ITGA2B: variants seen among roughly 807,000 people sequenced by gnomAD.
ITGA2B encodes the protein integrin subunit alpha 2b.
In ITGA2B, 91 loss-of-function variants were observed where a neutral mutation model predicts 142.0. The ratio of observed to expected loss-of-function variants is 0.64; its 90% CI spans 0.54 to 0.76. The LOEUF (loss-of-function observed/expected upper bound fraction) is 0.76. ITGA2B is among the 30% of genes least tolerant of loss of function. The pLI, the probability that ITGA2B is intolerant of heterozygous loss-of-function variation, is 0.00. For synonymous variants in ITGA2B, 536 were observed against 567.2 expected, an observed-to-expected ratio of 0.94 and a Z score of 0.78; for missense variants, 1,231 against 1,350.8, an observed-to-expected ratio of 0.91 and a Z score of 1.39.
At chr17:44,382,431 C>T (rs1251025441) in intron 12 of ITGA2B, among the ~76,000 whole-genome samples, 2 of 152,046 alleles carry the variant, frequency 1.3e-5, no homozygotes, top group East Asian at 3.8e-4. Context: ...GCTTCTGACC[C>T]TATCTTGGCC....
chr17:44,374,700 A>G lies in ITGA2B; in HGVS notation c.2902T>C (p.Tyr968His), dbSNP rs5914. Residue 968 changes from tyrosine (Y) to histidine (H), a missense_variant, in exon 28 of 30, where the codon TAT becomes CAT. By Grantham distance (83) the Tyr-to-His change is moderately conservative. Transcript: ENST00000262407. ...HAWFNVSSLPYAVPPLSLPRG... is the reference protein window; with the variant it reads ...HAWFNVSSLPHAVPPLSLPRG... ...GGCAGGCTGAGCGGGGGCACCGCATAGGGGAGGGAGGACACGTTGAACCAT... is the reference window on the plus strand; with the variant it reads ...GGCAGGCTGAGCGGGGGCACCGCATGGGGGAGGGAGGACACGTTGAACCAT... The G allele has an allele frequency of 3.3e-5, 53 of 1,613,934 alleles. No individual in the cohort carries two copies. Among genetic ancestry groups the G allele is most frequent in the Non-Finnish European group, 4.4e-5 (52 of 1,180,008 alleles).
At position 44,385,609 on chromosome 17, in the gene ITGA2B, G is replaced by C. The variant is rs1203030848; in HGVS notation, c.516C>G (p.Ala172=). ...FLAQPESGRR[A]EYSPCRGNTL... is the part of the protein sequence containing the mutation. ...TGTTCCCGCGACAGGGGGAGTACTCGGCGCGGCGGCCGCTCTCTGGCTGAG... is the reference window on the plus strand; with the variant it reads ...TGTTCCCGCGACAGGGGGAGTACTCCGCGCGGCGGCCGCTCTCTGGCTGAG... Residue 172 remains alanine, a synonymous_variant, in exon 4 of 30, where the codon GCC becomes GCG. Transcript: ENST00000262407. 4 of 1,612,042 alleles carry C rather than the reference G, an allele frequency of 2.5e-6. No individual in the cohort carries two copies. The highest frequency in any genetic ancestry group is 1.3e-5 in the African/African-American group (1 of 75,056).
At chr17:44,376,265 G>C in intron 23 of ITGA2B, 43 bp downstream of exon 23, 2 of 1,613,864 alleles carry the variant, frequency 1.2e-6, no homozygotes, top group Non-Finnish European at 1.7e-6. Context: ...CTGGAGTTTA[G>C]AGCCCTGAAT....
Position 44,385,176 on chromosome 17 carries a change from A to G in ITGA2B, c.658T>C (p.Tyr220His), listed in dbSNP as rs2048633560. 1 of 1,613,974 alleles carries G rather than the reference A, an allele frequency of 6.2e-7. No homozygotes were observed. The highest frequency in any genetic ancestry group is 8.5e-7 in the Non-Finnish European group (1 of 1,179,998). Residue 220 changes from tyrosine (Y) to histidine (H), a missense_variant, in exon 6 of 30, where the codon TAT (tyrosine) becomes CAT (histidine). Tyr to His is a moderately conservative substitution (Grantham distance 83, BLOSUM62 2). Transcript: ENST00000262407. ...GATGGGCACGTACCTAAGAAATAAT[A>G]GCCGCCAGGAGCCCCAAGCACCAGC... is the stretch of plus-strand genomic sequence containing the variant. The part of the protein sequence containing the change: ...GELVLGAPGG[Y>H]YFLGLLAQAP...
In ITGA2B at chr17:44,383,716, A is replaced by G. The variant is rs764740277; in HGVS notation, c.999-12T>C. The G allele has an allele frequency of 6.4e-7, 1 of 1,565,920 alleles. No individual in the cohort carries two copies. The highest frequency in any genetic ancestry group is 2.4e-5 in the East Asian group (1 of 42,070). On this transcript the variant is annotated splice_polypyrimidine_tract_variant and intron_variant, in intron 11 of 29. Coordinates refer to ENST00000262407, the MANE Select transcript of ITGA2B (RefSeq NM_000419.5). ...GCAGATCATGCCTCCTGTGGGCCAG[A>G]TGAGTGGTTACATGGGACTGGACCA...
Position 44,378,385 on chromosome 17 carries a change from T to C in ITGA2B, c.2071A>G (p.Met691Val). The change falls in exon 20 of 30, where the codon ATG becomes GTG. Residue 691 changes from methionine to valine, a missense_variant. Coordinates refer to ENST00000262407, the MANE Select transcript of ITGA2B (RefSeq NM_000419.5). Reference protein sequence around the residue: ...AVHLPQGAHYMRALSNVEGFE... With the variant: ...AVHLPQGAHYVRALSNVEGFE... ...ACCTCGACATTGCTTAGGGCCCGCATGTAGTGGGCGCCCTGGGGCAGGTGC... is the reference window on the plus strand; with the variant it reads ...ACCTCGACATTGCTTAGGGCCCGCACGTAGTGGGCGCCCTGGGGCAGGTGC... 6.2e-7 allele frequency: 1 copy of C among 1,612,972 alleles called. No individual in the cohort carries two copies. Among genetic ancestry groups the C allele is most frequent in the Non-Finnish European group, 8.5e-7 (1 of 1,179,894 alleles).
At chr17:44,373,905 A>G in intron 29 of ITGA2B, 1 of 187,382 alleles carries the variant, frequency 5.3e-6, no homozygotes, top group Non-Finnish European at 1.1e-5. Context: ...AAGACATTCT[A>G]TTTTTTTCTT....
intron 23 of ITGA2B, 37 bp from the exon 24 acceptor site, chr17:44,376,221 C>T (rs1241447451): frequency 1.9e-6 from 3 of 1,613,480 alleles, no homozygotes; most frequent in African/African-American, 1.3e-5. Context: ...GAGTGTGATG[C>T]CCTGATTGGC....
intron 12 of ITGA2B, among the ~76,000 whole-genome samples, chr17:44,382,790 G>A (rs919322602): frequency 2.6e-5 from 4 of 152,136 alleles, no homozygotes; most frequent in Non-Finnish European, 5.9e-5. Context: ...TTTAACGCAT[G>A]CTCTTCCTTG....
Position 44,376,300 on chromosome 17 carries a change from C to CCT in ITGA2B, c.2348+6_2348+7dup, listed in dbSNP as rs751970484. On this transcript the variant is annotated splice_region_variant and intron_variant, in intron 23 of 29. Transcript: ENST00000262407. ...TGCCATCTCCCTTCTCCACCCCTGG[C>CCT]CTCTCACCCTCGCAGCTCCACTTGG... 6.2e-7 allele frequency: 1 copy of CCT among 1,614,172 alleles called. No individual in the cohort carries two copies. Among genetic ancestry groups the CCT allele is most frequent in the Non-Finnish European group, 8.5e-7 (1 of 1,180,008 alleles).
intron 11 of ITGA2B, 22 bp downstream of exon 11, chr17:44,383,872 G>C (rs749791743): frequency 5.0e-6 from 8 of 1,612,594 alleles, no homozygotes; most frequent in Middle Eastern, 1.8e-4. Flanking sequence ...ACTGGGTAGG[G>C]GTGGGGCATG....
chr17:44,375,170 A>G lies in ITGA2B; in HGVS notation c.2728-59T>C, dbSNP rs1004292813. ...CCGGCCCATCACCCCATCATCCCCC[A>G]CCCCCTTACCCCCAGGACCCAACGC... is the stretch of plus-strand genomic sequence containing the variant. On this transcript the variant is annotated intron_variant, in intron 26 of 29. Coordinates refer to ENST00000262407, the MANE Select transcript of ITGA2B (RefSeq NM_000419.5). 2.2e-6 allele frequency: 3 copies of G among 1,392,110 alleles called. No individual in the cohort carries two copies. In the African/African-American group the frequency reaches 4.3e-5, roughly 20 times the overall value. The allele number at this position is 1,392,110 out of a possible 1,614,324, so 86.2% of individuals were successfully genotyped here.
intron 18 of ITGA2B, among the ~76,000 whole-genome samples, chr17:44,379,048 G>A (rs920188550): frequency 1.5e-4 from 23 of 150,956 alleles, no homozygotes; most frequent in African/African-American, 5.4e-4. Flanking sequence ...CGGGGTTCAC[G>A]CCATTCTCCT....
chr17:44,377,706 T>C lies in ITGA2B; in HGVS notation c.2179A>G (p.Asn727Asp), dbSNP rs749153280. Residue 727 changes from asparagine to aspartate, a missense_variant, in exon 21 of 30, where the codon AAC becomes GAC. Physicochemically the swap from Asn to Asp is conservative, Grantham distance 23 (BLOSUM62 1). Around this residue, in one of 3 missense-constraint regions of ITGA2B, gnomAD observed 908 missense variants for 1,021.1 expected, o/e 0.89. Transcript: ENST00000262407. ...CGACCCAGCAGCCTCACCTGGGCGT[T>C]CTTCTTCATGGGGTTGCCCAGCTCA... ...LCELGNPMKKNAQIGIAMLVS... is the reference protein window; with the variant it reads ...LCELGNPMKKDAQIGIAMLVS... 1.2e-6 allele frequency: 2 copies of C among 1,613,162 alleles called. No homozygotes were observed. The highest frequency in any genetic ancestry group is 1.7e-6 in the Non-Finnish European group (2 of 1,179,580).
intron 7 of ITGA2B, 95 bp from the exon 8 acceptor site, chr17:44,384,680 G>T: frequency 6.9e-7 from 1 of 1,440,478 alleles, no homozygotes; most frequent in Non-Finnish European, 9.8e-7. Context: ...CTCAGCCCCA[G>T]CCCTGCATTG....
At chr17:44,379,881 G>C in intron 17 of ITGA2B, 67 bp from the exon 18 acceptor site, 1 of 1,612,588 alleles carries the variant, frequency 6.2e-7, no homozygotes, top group Non-Finnish European at 8.5e-7. Context: ...TGGCCAGTAG[G>C]CACCGTGTCC....
chr17:44,373,388 G>A (rs1206194407), intron 29 of ITGA2B, among the ~76,000 whole-genome samples: 1 of 151,804 alleles, frequency 6.6e-6, no homozygotes, highest in Non-Finnish European at 1.5e-5. Context: ...CGCCCACCTC[G>A]GCCTCCCAAA....
At position 44,385,697 on chromosome 17, in the gene ITGA2B, T is replaced by G. The variant is rs200006464; in HGVS notation, c.428A>C (p.His143Pro). The G allele has an allele frequency of 1.2e-6, 2 of 1,613,702 alleles. No homozygotes were observed. Among genetic ancestry groups the G allele is most frequent in the Non-Finnish European group, 1.7e-6 (2 of 1,180,012 alleles). The change falls in exon 4 of 30, where the codon CAC becomes CCC. Residue 143 changes from histidine (H) to proline (P), a missense_variant. By Grantham distance (77) the His-to-Pro change is moderately conservative. This residue lies in a region of ITGA2B where 318 missense variants were observed against 312.2 expected (regional missense o/e 1.02). Coordinates refer to ENST00000262407, the MANE Select transcript of ITGA2B (RefSeq NM_000419.5). ...DVIVACAPWQ[H>P]WNVLEKTEEA... The stretch of plus-strand genomic sequence containing the variant: ...CTCAGTCTTTTCTAGGACGTTCCAG[T>G]GCTGCCAGGGGGCGCAGGCCTGGAG...
intron 1 of ITGA2B, among the ~76,000 whole-genome samples, chr17:44,387,814 G>A (rs1483432992): frequency 5.7e-5 from 4 of 69,818 alleles, no homozygotes; most frequent in African/African-American, 1.8e-4. Flanking sequence ...CAACAAGAGC[G>A]AAACCCCATC....
Sources: allele counts gnomAD v4.1 joint callset (sites outside exome capture counted in the v4.1 genomes callset), GRCh38; gene constraint gnomAD v4.1.1; regional missense constraint gnomAD v4.1.1; transcripts MANE v1.5; gene names NCBI Gene and HGNC (gene_info 2026-07-23, HGNC 2026-07-21).